The following JADE1 variants were observed in gnomAD, a reference collection of about 807,000 sequenced individuals.
The protein encoded by JADE1 is jade family PHD finger 1.
In JADE1, 14 loss-of-function variants were observed where a neutral mutation model predicts 81.8. That is an observed-to-expected ratio of 0.17 (90% CI 0.11 to 0.27). JADE1 has a LOEUF of 0.27. Among genes scored for constraint, JADE1 ranks in the 10% least tolerant of loss-of-function variants. The pLI is 1.00. For synonymous variants in JADE1, 353 were observed against 391.9 expected, an observed-to-expected ratio of 0.90 and a Z score of 1.17; for missense variants, 690 against 1,047.9, an observed-to-expected ratio of 0.66 and a Z score of 4.71.
intron 1 of JADE1, among the ~76,000 whole-genome samples, chr4:128,813,999 C>A (rs1726751882): frequency 6.6e-6 from 1 of 150,824 alleles, no homozygotes; most frequent in South Asian, 2.1e-4. Flanking sequence ...GTTGGCTGCA[C>A]ATATATTTTA....
Position 128,872,356 on chromosome 4 carries a change from C to T in JADE1, c.*94C>T. 9.8e-7 allele frequency: 1 copy of T among 1,017,090 alleles called. No homozygotes were observed. 63.0% of individuals were successfully genotyped at this position (1,017,090 alleles called of 1,614,324 possible). A position where few individuals can be genotyped will look rare whatever the true frequency, so the allele number is the denominator to read the frequency against. ...GGGGAGAAGCAGAAACCCATTAATCCTGAGCTACACAAACACATTTACTTG... is the reference window on the plus strand; with the variant it reads ...GGGGAGAAGCAGAAACCCATTAATCTTGAGCTACACAAACACATTTACTTG... On this transcript the variant is annotated 3_prime_UTR_variant, in exon 11 of 11. Transcript: ENST00000226319.
At chr4:128,827,927 C>A (rs1728212952) in intron 1 of JADE1, 1 of 981,382 alleles carries the variant, frequency 1.0e-6, no homozygotes, top group Non-Finnish European at 1.2e-6. Flanking sequence ...GGTGCTCTGC[C>A]CCAAACATGC....
intron 3 of JADE1, among the ~76,000 whole-genome samples, chr4:128,845,103 G>C (rs1302488813): frequency 6.6e-6 from 1 of 152,216 alleles, no homozygotes; most frequent in Admixed American, 6.5e-5. Flanking sequence ...TGATGTCAAG[G>C]TCAGAGCTTT....
intron 1 of JADE1, among the ~76,000 whole-genome samples, chr4:128,824,022 A>C (rs1468521723): frequency 6.6e-6 from 1 of 152,216 alleles, no homozygotes; most frequent in Non-Finnish European, 1.5e-5. Flanking sequence ...ATTATTAAGA[A>C]TATAATGTAT....
chr4:128,855,744 A>G lies in JADE1; in HGVS notation c.811A>G (p.Thr271Ala). ...CPKKGGAMKP[T>A]RSGTKWVHVS... is the part of the protein sequence containing the mutation. ...GAAGAAGGGTGGAGCTATGAAGCCCACCCGTAGCGGAACCAAGTGGGTCCA... is the reference window on the plus strand; with the variant it reads ...GAAGAAGGGTGGAGCTATGAAGCCCGCCCGTAGCGGAACCAAGTGGGTCCA... Residue 271 changes from threonine to alanine, a missense_variant, in exon 7 of 11, where the codon ACC (threonine) becomes GCC (alanine). Physicochemically the swap from Thr to Ala is moderately conservative, Grantham distance 58. Transcript: ENST00000226319. The G allele has an allele frequency of 6.2e-7, 1 of 1,614,056 alleles. No individual in the cohort carries two copies. Among genetic ancestry groups the G allele is most frequent in the Non-Finnish European group, 8.5e-7 (1 of 1,179,952 alleles).
intron 9 of JADE1, chr4:128,864,168 G>C (rs552822593): frequency 1.0e-6 from 1 of 961,096 alleles, no homozygotes; most frequent in South Asian, 4.8e-5. Flanking sequence ...ATTTTTTCAA[G>C]ACAGAGTCTC....
At position 128,873,281 on chromosome 4, in the gene JADE1, G is replaced by GAAAAAAAAAAAAAAAAAGAAAAAAAA. The variant is rs1281020527; in HGVS notation, c.*1029_*1030insAAAAAAAGAAAAAAAAAAAAAAAAAA. ...GAAAAAAAAAAAAAAAAGAAAAAAAGAAAAAAAAAAGAAAAAAGAAAAAAA... is the reference window on the plus strand; with the variant it reads ...GAAAAAAAAAAAAAAAAGAAAAAAAGAAAAAAAAAAAAAAAAAGAAAAAAAAAAAAAAAAAAGAAAAAAGAAAAAAA... On this transcript the variant is annotated 3_prime_UTR_variant, in exon 11 of 11. Transcript: ENST00000226319. 1.9e-5 allele frequency: 2 copies of GAAAAAAAAAAAAAAAAAGAAAAAAAA among 105,628 alleles called. No homozygotes were observed. Among genetic ancestry groups the GAAAAAAAAAAAAAAAAAGAAAAAAAA allele is most frequent in the East Asian group, 2.5e-4 (1 of 3,948 alleles). The allele number at this position is 105,628 out of a possible 1,614,324, so 6.5% of individuals were successfully genotyped here.
chr4:128,859,403 G>A (rs1370581679), intron 8 of JADE1, among the ~76,000 whole-genome samples: 6 of 152,280 alleles, frequency 3.9e-5, no homozygotes, highest in Admixed American at 2.6e-4. Flanking sequence ...GCGTGAGTGC[G>A]TATGCGTGTG....
chr4:128,857,756 T>G (rs1730917726), intron 8 of JADE1, among the ~76,000 whole-genome samples: 1 of 152,126 alleles, frequency 6.6e-6, no homozygotes, highest in Non-Finnish European at 1.5e-5. Context: ...CATCGCAACT[T>G]CTTTCCATAG....
chr4:128,864,361 G>C lies in JADE1; in HGVS notation c.1503+2136G>C, dbSNP rs141479024. On this transcript the variant is annotated intron_variant, in intron 9 of 10. Transcript: ENST00000226319. The stretch of plus-strand genomic sequence containing the variant: ...CGGTTTCACCATGTTGGTCAGGTTG[G>C]TCTTGAACTCCTGACCTCAAGTGAT... 1.6e-3 allele frequency: 1,225 copies of C among 773,596 alleles called. 9 individuals carry two copies. In the African/African-American group the frequency reaches 0.022, roughly 14 times the overall value. 47.9% of individuals were successfully genotyped at this position (773,596 alleles called of 1,614,324 possible). A position where few individuals can be genotyped will look rare whatever the true frequency, so the allele number is the denominator to read the frequency against.
At chr4:128,855,872 G>T in intron 7 of JADE1, 75 bp downstream of exon 7, 1 of 1,342,328 alleles carries the variant, frequency 7.4e-7, no homozygotes, top group Non-Finnish European at 1.0e-6. Context: ...AGGCTGGAGT[G>T]CAGTGAGCTG....
Position 128,873,256 on chromosome 4 carries a change from G to GAAAAAAAAAAAAAAAAAAAA in JADE1, c.*1010_*1011insAAAAAAAAAAAAAAAAAAAA, listed in dbSNP as rs1296724284. ...CATGAATGGATTCCTTAAGAAAAAGGAAAAAAAAAAAAAAAAGAAAAAAAG... is the reference window on the plus strand; with the variant it reads ...CATGAATGGATTCCTTAAGAAAAAGGAAAAAAAAAAAAAAAAAAAAAAAAAAAAAAAAAAAAGAAAAAAAG... On this transcript the variant is annotated 3_prime_UTR_variant, in exon 11 of 11. Transcript: ENST00000226319. 5 of 28,574 alleles carry GAAAAAAAAAAAAAAAAAAAA rather than the reference G, an allele frequency of 1.7e-4. No individual in the cohort carries two copies. The highest frequency in any genetic ancestry group is 3.6e-4 in the African/African-American group (3 of 8,402). The allele number at this position is 28,574 out of a possible 1,614,324, so 1.8% of individuals were successfully genotyped here. A position where few individuals can be genotyped will look rare whatever the true frequency, so the allele number is the denominator to read the frequency against.
chr4:128,863,891 C>T, intron 9 of JADE1: 1 of 985,412 alleles, frequency 1.0e-6, no homozygotes, highest in Non-Finnish European at 1.2e-6. Flanking sequence ...GTGTTTGTCT[C>T]ACAATCACCA....
chr4:128,838,146 G>A (rs1200510044), intron 2 of JADE1, among the ~76,000 whole-genome samples: 1 of 152,154 alleles, frequency 6.6e-6, no homozygotes, highest in Non-Finnish European at 1.5e-5. Context: ...CCATGCTCAT[G>A]GTGCTACAAA....
At position 128,871,838 on chromosome 4, in the gene JADE1, C is replaced by A; in HGVS notation, c.2105C>A (p.Thr702Asn). The change falls in exon 11 of 11, where the codon ACC (threonine) becomes AAC (asparagine). Residue 702 changes from threonine (T) to asparagine (N), a missense_variant. Physicochemically the swap from Thr to Asn is moderately conservative, Grantham distance 65 (BLOSUM62 0). Around this residue, in one of 8 missense-constraint regions of JADE1, gnomAD observed 218 missense variants for 274.3 expected, o/e 0.79. Coordinates refer to ENST00000226319, the MANE Select transcript of JADE1 (RefSeq NM_199320.4). This position sits in a 1 kb window ranked among gnomAD's most constrained non-coding sequence, Gnocchi z 4.1. ...CATCTGGACAACACAAGAGCTGCCA[C>A]CTCCCCTGGAGTGGGGCAGTCAGCA... ...QRHLDNTRAA[T>N]SPGVGQSAPG... is the part of the protein sequence containing the mutation. 6.2e-7 allele frequency: 1 copy of A among 1,614,050 alleles called. No individual in the cohort carries two copies. Among genetic ancestry groups the A allele is most frequent in the East Asian group, 2.2e-5 (1 of 44,838 alleles).
At chr4:128,869,818 G>C (rs185680848) in intron 10 of JADE1, among the ~76,000 whole-genome samples, 1 of 152,146 alleles carries the variant, frequency 6.6e-6, no homozygotes, top group African/African-American at 2.4e-5. Context: ...ATTCTGTTGA[G>C]TAATGCAGTT....
rs140616780 is a variant in JADE1, at chr4:128,837,495, A to G, written c.53-5458A>G. Reference sequence around the variant, plus strand: ...CTGGGCTACGCTGGGGTAAAAAACTATGGTAGGTATAGGGTCAGCCTCTGG... The same window carrying G: ...CTGGGCTACGCTGGGGTAAAAAACTGTGGTAGGTATAGGGTCAGCCTCTGG... On this transcript the variant is annotated intron_variant, in intron 2 of 10. Transcript: ENST00000226319. Among the ~76,000 whole-genome samples, 94 of 152,314 alleles carry G rather than the reference A, an allele frequency of 6.2e-4. 1 individual carries two copies. The highest frequency in any genetic ancestry group is 3.4e-3 in the Middle Eastern group (1 of 294).
intron 10 of JADE1, among the ~76,000 whole-genome samples, chr4:128,869,280 T>A (rs886860995): frequency 3.9e-5 from 6 of 152,212 alleles, no homozygotes; most frequent in African/African-American, 1.4e-4. Flanking sequence ...AAAATAAATT[T>A]TCTAAGTAGG....
rs2125856351 is a variant in JADE1, at chr4:128,846,305, T to C, written c.139-70T>C. The stretch of plus-strand genomic sequence containing the variant: ...GTTACATGGCAGCTCCATGGTTACA[T>C]TGCAGCTGCCAGCACTCTGAATAAG... On this transcript the variant is annotated intron_variant, in intron 3 of 10. Transcript: ENST00000226319. This position sits in a 1 kb window ranked among gnomAD's most constrained non-coding sequence, Gnocchi z 4.0. 1.7e-5 allele frequency: 25 copies of C among 1,432,184 alleles called. No individual in the cohort carries two copies. The highest frequency in any genetic ancestry group is 2.3e-5 in the Non-Finnish European group (24 of 1,025,406). 88.7% of individuals were successfully genotyped at this position (1,432,184 alleles called of 1,614,324 possible). A position where few individuals can be genotyped will look rare whatever the true frequency, so the allele number is the denominator to read the frequency against.
Sources: allele counts gnomAD v4.1 joint callset (sites outside exome capture counted in the v4.1 genomes callset), GRCh38; gene constraint gnomAD v4.1.1; regional missense constraint gnomAD v4.1.1; non-coding constraint Gnocchi (gnomAD v3.1); transcripts MANE v1.5; gene names NCBI Gene and HGNC (gene_info 2026-07-23, HGNC 2026-07-21).